The following BFSP1 variants were observed in gnomAD, a reference collection of about 807,000 sequenced individuals.
BFSP1 encodes the protein filensin.
BFSP1 carries 38 observed loss-of-function variants against 43.9 expected under a neutral mutation model. That is an observed-to-expected ratio of 0.87 (90% CI 0.67 to 1.14). The LOEUF (loss-of-function observed/expected upper bound fraction) is 1.14. BFSP1 is among the 50% of genes most tolerant of loss of function. The pLI, the probability that BFSP1 is intolerant of heterozygous loss-of-function variation, is 0.00. For missense variants in BFSP1, 850 were observed against 875.1 expected (o/e 0.97, Z 0.36); for synonymous variants, 352 against 354.8 (o/e 0.99, Z 0.09).
At chr20:17,551,580 A>C (rs1413724098) in intron 1 of BFSP1, among the ~76,000 whole-genome samples, 1 of 151,860 alleles carries the variant, frequency 6.6e-6, no homozygotes, top group African/African-American at 2.4e-5. Context: ...ACCTGAAATC[A>C]CTTGTACATC....
At chr20:17,546,754 G>A (rs1444728123) in intron 1 of BFSP1, among the ~76,000 whole-genome samples, 5 of 151,876 alleles carry the variant, frequency 3.3e-5, no homozygotes, top group Non-Finnish European at 4.4e-5. Flanking sequence ...AGCTAGGAGC[G>A]GTGGCTTACG....
chr20:17,510,951 C>T (rs2034063240), intron 4 of BFSP1, among the ~76,000 whole-genome samples: 2 of 152,038 alleles, frequency 1.3e-5, no homozygotes, highest in African/African-American at 2.4e-5. Context: ...GCATCATTTC[C>T]AGTGTTTGTG....
chr20:17,508,411 A>C (rs756999540), intron 5 of BFSP1, among the ~76,000 whole-genome samples: 1 of 152,136 alleles, frequency 6.6e-6, no homozygotes, highest in Non-Finnish European at 1.5e-5. Context: ...TGATACAACC[A>C]CTCTTGCCGG....
chr20:17,531,367 G>A lies in BFSP1; in HGVS notation c.-38C>T. On this transcript the variant is annotated 5_prime_UTR_variant, in exon 1 of 8. Coordinates refer to ENST00000377873, the MANE Select transcript of BFSP1 (RefSeq NM_001195.5). ...GCGGGCGCGCGGGCGGCGCCGAGCC[G>A]GCTCTCCAGGAGGCCCCCGGCGCAG... is the stretch of plus-strand genomic sequence containing the variant. The A allele has an allele frequency of 7.6e-7, 1 of 1,317,110 alleles. No homozygotes were observed. Among genetic ancestry groups the A allele is most frequent in the Non-Finnish European group, 9.6e-7 (1 of 1,037,552 alleles). The allele number at this position is 1,317,110 out of a possible 1,614,324, so 81.6% of individuals were successfully genotyped here. A position where few individuals can be genotyped will look rare whatever the true frequency, so the allele number is the denominator to read the frequency against.
intron 1 of BFSP1, among the ~76,000 whole-genome samples, chr20:17,544,118 G>A (rs934305209): frequency 6.6e-6 from 1 of 152,200 alleles, no homozygotes. Flanking sequence ...GTAGAAGAGT[G>A]GGGAAGTGAG....
At chr20:17,559,435 A>G (rs2035046478), upstream of BFSP1, among the ~76,000 whole-genome samples, 1 of 152,240 alleles carries the variant, frequency 6.6e-6, no homozygotes, top group Non-Finnish European at 1.5e-5. Context: ...TAGAGTTAAA[A>G]GGGTCAAATT....
chr20:17,495,689 C>G (rs948733683), intron 7 of BFSP1, among the ~76,000 whole-genome samples: 1 of 152,224 alleles, frequency 6.6e-6, no homozygotes, highest in Non-Finnish European at 1.5e-5. Context: ...AGTCCACCCT[C>G]CTGCTTCCAG....
chr20:17,526,261 C>T (rs2034421790), intron 1 of BFSP1, among the ~76,000 whole-genome samples: 2 of 138,614 alleles, frequency 1.4e-5, no homozygotes, highest in South Asian at 2.3e-4. Context: ...TCACCACCAA[C>T]ATCCATCTCT....
At chr20:17,543,368 C>T (rs756808240) in intron 1 of BFSP1, among the ~76,000 whole-genome samples, 2 of 152,180 alleles carry the variant, frequency 1.3e-5, no homozygotes, top group Non-Finnish European at 2.9e-5. Context: ...CCTCACACAG[C>T]GTCATGACCG....
upstream of BFSP1, among the ~76,000 whole-genome samples, chr20:17,534,266 G>A (rs753122125): frequency 5.9e-5 from 9 of 152,214 alleles, no homozygotes; most frequent in Non-Finnish European, 1.0e-4. Context: ...GCACTAGTTT[G>A]GGGGCAGGGA....
At chr20:17,538,397 T>C (rs537073544) in intron 1 of BFSP1, among the ~76,000 whole-genome samples, 1 of 152,318 alleles carries the variant, frequency 6.6e-6, no homozygotes, top group East Asian at 1.9e-4. Flanking sequence ...CCTGCAACTT[T>C]TCCATAAGTT....
intron 1 of BFSP1, among the ~76,000 whole-genome samples, chr20:17,539,456 A>T (rs921588120): frequency 1.3e-5 from 2 of 152,038 alleles, no homozygotes; most frequent in Admixed American, 6.6e-5. Flanking sequence ...ATATTCATAG[A>T]TTGAACATAC....
intron 1 of BFSP1, among the ~76,000 whole-genome samples, chr20:17,536,842 C>T (rs943434982): frequency 6.6e-6 from 1 of 152,170 alleles, no homozygotes; most frequent in African/African-American, 2.4e-5. Context: ...CTGTTTTCTA[C>T]AATGATGGAC....
intron 6 of BFSP1, among the ~76,000 whole-genome samples, chr20:17,497,762 A>C (rs547280683): frequency 6.6e-6 from 1 of 152,146 alleles, no homozygotes; most frequent in East Asian, 1.9e-4. Context: ...ACAACTGGTG[A>C]ATCTGGAGTA....
intron 1 of BFSP1, 64 bp from the exon 2 acceptor site, chr20:17,524,972 T>A: frequency 1.4e-6 from 2 of 1,401,262 alleles, no homozygotes; most frequent in Non-Finnish European, 2.0e-6. Context: ...ATGGATCACA[T>A]AATCAGCATT....
intron 4 of BFSP1, 58 bp downstream of exon 4, chr20:17,511,918 G>C: frequency 6.8e-7 from 1 of 1,465,756 alleles, no homozygotes; most frequent in Non-Finnish European, 9.5e-7. Context: ...TTCCCTGGGA[G>C]TCTCCAGGTA....
At chr20:17,544,609 T>TA (rs1284881389) in intron 1 of BFSP1, among the ~76,000 whole-genome samples, 1 of 152,170 alleles carries the variant, frequency 6.6e-6, no homozygotes, top group Non-Finnish European at 1.5e-5. Context: ...TTACCTAACT[T>TA]AAAAAAATCA....
chr20:17,550,462 CTTTTTTT>C (rs66786068), intron 1 of BFSP1, among the ~76,000 whole-genome samples: 13 of 131,900 alleles, frequency 9.9e-5, no homozygotes, highest in Admixed American at 1.5e-4. Flanking sequence ...GACTATAATC[CTTTTTTT>C]TTTTTTTTTT....
intron 2 of BFSP1, among the ~76,000 whole-genome samples, chr20:17,518,991 T>C (rs148204868): frequency 5.6e-4 from 86 of 152,282 alleles, no homozygotes; most frequent in African/African-American, 1.9e-3. Flanking sequence ...GCCCCGGGGA[T>C]GGGACCACAC....
Sources: gnomAD v4.1 joint callset for allele counts (sites outside exome capture counted in the v4.1 genomes callset) on GRCh38, gnomAD v4.1.1 for gene constraint, MANE v1.5 for transcripts, NCBI Gene and HGNC (gene_info 2026-07-23, HGNC 2026-07-21) for gene names.